The following TAFA1 variants were observed in gnomAD, a reference collection of about 807,000 sequenced individuals.
TAFA1 encodes TAFA chemokine like family member 1.
TAFA1 carries 4 observed loss-of-function variants against 18.5 expected under a neutral mutation model. The ratio of observed to expected loss-of-function variants is 0.22; its 90% CI spans 0.11 to 0.49. TAFA1 has a LOEUF of 0.49. Ranked by LOEUF, TAFA1 falls within the 20% of genes least tolerant of loss-of-function variation. The probability of loss-of-function intolerance (pLI) is 0.98; values close to 1 mark genes in which losing one functional copy is unlikely to be tolerated. For synonymous variants in TAFA1, 56 were observed against 55.2 expected, an observed-to-expected ratio of 1.01 and a Z score of -0.06; for missense variants, 147 against 169.0, an observed-to-expected ratio of 0.87 and a Z score of 0.72.
intron 2 of TAFA1, among the ~76,000 whole-genome samples, chr3:68,239,860 C>G (rs892557386): frequency 3.3e-5 from 5 of 152,162 alleles, no homozygotes; most frequent in African/African-American, 1.2e-4. Flanking sequence ...GATGAGAAGA[C>G]AGATGGTTTT....
chr3:68,014,302 C>T (rs1449799763), intron 2 of TAFA1, among the ~76,000 whole-genome samples: 1 of 152,210 alleles, frequency 6.6e-6, no homozygotes, highest in Non-Finnish European at 1.5e-5. Context: ...GGTCTTACTT[C>T]TCATTGAATT....
chr3:68,411,049 C>T (rs2070706873), intron 2 of TAFA1, among the ~76,000 whole-genome samples: 1 of 152,162 alleles, frequency 6.6e-6, no homozygotes, highest in African/African-American at 2.4e-5. Flanking sequence ...TCTGGGGGAA[C>T]ATTTTGGTTT....
rs1047298720 is a variant in TAFA1 at position 68,276,835 on chromosome 3, A to G, written c.119-140445A>G. Among the ~76,000 whole-genome samples, 27 of 152,140 alleles carry G rather than the reference A, an allele frequency of 1.8e-4. 1 individual carries two copies. Among genetic ancestry groups the G allele is most frequent in the South Asian group, 4.1e-4 (2 of 4,830 alleles). ...AGGAGGAAAAGGTTTGATATGCAATATGTTAAAATCTGTAGAATAACACAG... is the reference window on the plus strand; with the variant it reads ...AGGAGGAAAAGGTTTGATATGCAATGTGTTAAAATCTGTAGAATAACACAG... On this transcript the variant is annotated intron_variant, in intron 2 of 4. Transcript: ENST00000478136.
At chr3:68,449,287 A>G (rs2071528802) in intron 3 of TAFA1, among the ~76,000 whole-genome samples, 1 of 152,154 alleles carries the variant, frequency 6.6e-6, no homozygotes, top group African/African-American at 2.4e-5. Flanking sequence ...CAGAAGTAAG[A>G]TATGGGCTTT....
chr3:68,426,589 T>A (rs1353109995), intron 3 of TAFA1, among the ~76,000 whole-genome samples: 3 of 151,772 alleles, frequency 2.0e-5, no homozygotes, highest in Middle Eastern at 3.2e-3. Flanking sequence ...TAGGCAGAGA[T>A]GAAAAGTTTG....
chr3:68,331,171 G>T, intron 2 of TAFA1, among the ~76,000 whole-genome samples: 1 of 152,130 alleles, frequency 6.6e-6, no homozygotes, highest in Admixed American at 6.5e-5. Context: ...GATGCTAACT[G>T]AAAGAAGCTA....
chr3:68,431,459 A>G (rs1215487817), intron 3 of TAFA1, among the ~76,000 whole-genome samples: 2 of 152,002 alleles, frequency 1.3e-5, no homozygotes, highest in Admixed American at 6.6e-5. Context: ...TAATCTTCAT[A>G]ACAATGCATG....
rs566259544 is a variant in TAFA1, at chr3:68,171,744, G to A, written c.118+165000G>A. Among the ~76,000 whole-genome samples the A allele has an allele frequency of 3.9e-5, 6 of 152,066 alleles. No individual in the cohort carries two copies. The South Asian group carries it at 8.3e-4, about 21-fold the overall frequency. On this transcript the variant is annotated intron_variant, in intron 2 of 4. Transcript: ENST00000478136. ...TTGCCAAATACAAATTGTCAATAAA[G>A]AGACACTAAAAAGAGCCAAATACAG...
chr3:68,050,124 A>G (rs1327245875), intron 2 of TAFA1, among the ~76,000 whole-genome samples: 1 of 152,180 alleles, frequency 6.6e-6, no homozygotes, highest in Non-Finnish European at 1.5e-5. Flanking sequence ...AGACTCTGAA[A>G]CAAGAATTCA....
intron 2 of TAFA1, among the ~76,000 whole-genome samples, chr3:68,014,116 A>G (rs112823775): frequency 6.6e-6 from 1 of 152,208 alleles, no homozygotes; most frequent in African/African-American, 2.4e-5. Flanking sequence ...CATTCAGAGG[A>G]CTTTTCTTAT....
chr3:68,291,039 A>G (rs1194690442), intron 2 of TAFA1, among the ~76,000 whole-genome samples: 1 of 152,172 alleles, frequency 6.6e-6, no homozygotes, highest in Non-Finnish European at 1.5e-5. Flanking sequence ...CACTGTGAAC[A>G]TCAAATAAAA....
intron 2 of TAFA1, among the ~76,000 whole-genome samples, chr3:68,214,005 A>G (rs1166356284): frequency 6.6e-6 from 1 of 152,102 alleles, no homozygotes; most frequent in African/African-American, 2.4e-5. Flanking sequence ...GGTTCCCAAT[A>G]TTACCTATGT....
At chr3:68,529,139 T>A (rs989004838) in intron 3 of TAFA1, among the ~76,000 whole-genome samples, 1 of 151,962 alleles carries the variant, frequency 6.6e-6, no homozygotes, top group African/African-American at 2.4e-5. Flanking sequence ...CACTGCCTAG[T>A]ACAAGTAGGC....
In TAFA1 at chr3:68,175,450, T is replaced by C. The variant is rs1380638350; in HGVS notation, c.118+168706T>C. ...ACAAGGGCGGAGTTGTCCAAGACTA[T>C]GGGAACCCACCTCTTGCATCAGTGT... is the stretch of plus-strand genomic sequence containing the variant. On this transcript the variant is annotated intron_variant, in intron 2 of 4. Transcript: ENST00000478136. Among the ~76,000 whole-genome samples, 8 of 152,322 alleles carry C rather than the reference T, an allele frequency of 5.3e-5. No homozygotes were observed. In the Middle Eastern group the frequency reaches 0.01, roughly 194 times the overall value.
chr3:68,253,330 C>T (rs1168446480), intron 2 of TAFA1, among the ~76,000 whole-genome samples: 1 of 152,136 alleles, frequency 6.6e-6, no homozygotes, highest in African/African-American at 2.4e-5. Flanking sequence ...TCTCCTTGCC[C>T]TTGCGTACTT....
intron 2 of TAFA1, among the ~76,000 whole-genome samples, chr3:68,314,879 G>A (rs13093684): frequency 0.41 from 61,534 of 149,556 alleles, 14,726 homozygotes; most frequent in Non-Finnish European, 0.54. Flanking sequence ...GTTATTCTTC[G>A]GTCATAAGAT....
intron 2 of TAFA1, chr3:68,144,998 G>A (rs557637428): frequency 2.5e-5 from 39 of 1,536,544 alleles, no homozygotes; most frequent in South Asian, 1.7e-4. Flanking sequence ...GAGACCGGCC[G>A]TGAAGATGCC....
At chr3:68,522,628 C>A (rs2073045545) in intron 3 of TAFA1, among the ~76,000 whole-genome samples, 1 of 152,200 alleles carries the variant, frequency 6.6e-6, no homozygotes, top group Non-Finnish European at 1.5e-5. Flanking sequence ...GTGGGCAGAT[C>A]ACTTGAGACC....
intron 2 of TAFA1, among the ~76,000 whole-genome samples, chr3:68,398,213 C>G (rs993647225): frequency 2.0e-5 from 3 of 152,000 alleles, no homozygotes; most frequent in Non-Finnish European, 2.9e-5. Context: ...GTACTGGTAC[C>G]AAAACAAATA....
Sources: allele counts gnomAD v4.1 joint callset (sites outside exome capture counted in the v4.1 genomes callset), GRCh38; gene constraint gnomAD v4.1.1; transcripts MANE v1.5; gene names NCBI Gene and HGNC (gene_info 2026-07-23, HGNC 2026-07-21).